RNF19B: variants seen among roughly 807,000 people sequenced by gnomAD.
The protein encoded by RNF19B is E3 ubiquitin-protein ligase RNF19B.
Under a neutral mutation model 65.5 loss-of-function variants are expected in RNF19B, and 23 were observed. The observed-to-expected ratio is 0.35, with a 90% CI of 0.25 to 0.50. RNF19B has a LOEUF of 0.50. Ranked by LOEUF, RNF19B falls within the 20% of genes least tolerant of loss-of-function variation. RNF19B has a pLI of 0.98. For missense variants in RNF19B, 794 were observed against 980.0 expected (o/e 0.81, Z 2.53); for synonymous variants, 372 against 379.6 (o/e 0.98, Z 0.23).
In RNF19B at chr1:32,936,733, G is replaced by GAA. The variant is rs36040674; in HGVS notation, c.*71_*72dup. Reference sequence around the variant, plus strand: ...AAAATACATAAATCTCTACCCCTTGGAAAAAAAAAAAAAAAAATTCCAAAA... The same window carrying GAA: ...AAAATACATAAATCTCTACCCCTTGGAAAAAAAAAAAAAAAAAAATTCCAAAA... On this transcript the variant is annotated 3_prime_UTR_variant, in exon 9 of 9. Coordinates refer to ENST00000235150, the MANE Select transcript of RNF19B (RefSeq NM_001300826.2). 8.6e-3 allele frequency: 9,824 copies of GAA among 1,148,806 alleles called. 3 individuals are homozygous for GAA. The highest frequency in any genetic ancestry group is 0.022 in the African/African-American group (1,361 of 60,524). The allele number at this position is 1,148,806 out of a possible 1,614,324, so 71.2% of individuals were successfully genotyped here.
intron 3 of RNF19B, 133 bp from the exon 4 acceptor site, chr1:32,946,697 C>T (rs1332576404): frequency 1.3e-6 from 1 of 776,194 alleles, no homozygotes; most frequent in South Asian, 2.0e-5. Context: ...GAATACATTA[C>T]ACAAGGGAGA....
chr1:32,949,920 A>C (rs189807828), intron 1 of RNF19B, 146 bp from the exon 2 acceptor site: 669 of 627,816 alleles, frequency 1.1e-3, no homozygotes, highest in Non-Finnish European at 1.6e-3. Flanking sequence ...ACATATACAC[A>C]CACAAGCACA....
In RNF19B at chr1:32,942,409, T is replaced by C; in HGVS notation, c.1453A>G (p.Ile485Val). ...LKNPSIGESSIEGLTSVLSTS... is the reference protein window; with the variant it reads ...LKNPSIGESSVEGLTSVLSTS... Reference sequence around the variant, plus strand: ...CTCAATACACTAGTCAGGCCTTCAATGCTGCTTTCCCCAATGCTGGGATTC... The same window carrying C: ...CTCAATACACTAGTCAGGCCTTCAACGCTGCTTTCCCCAATGCTGGGATTC... Residue 485 changes from isoleucine to valine, a missense_variant, in exon 7 of 9, where the codon ATT (isoleucine) becomes GTT (valine). This residue lies in a region of RNF19B where 368 missense variants were observed against 447.3 expected (regional missense o/e 0.82). Transcript: ENST00000235150. 6.2e-7 allele frequency: 1 copy of C among 1,614,234 alleles called. No individual in the cohort carries two copies. Among genetic ancestry groups the C allele is most frequent in the East Asian group, 2.2e-5 (1 of 44,884 alleles).
At chr1:32,958,165 T>C (rs979754842) in intron 1 of RNF19B, among the ~76,000 whole-genome samples, 1 of 152,186 alleles carries the variant, frequency 6.6e-6, no homozygotes, top group Admixed American at 6.5e-5. Flanking sequence ...AGTTAAGCCT[T>C]AAAGATGCTA....
chr1:32,949,587 C>T lies in RNF19B; in HGVS notation c.823G>A (p.Gly275Arg). The T allele has an allele frequency of 6.2e-7, 1 of 1,613,994 alleles. No homozygotes were observed. The highest frequency in any genetic ancestry group is 8.5e-7 in the Non-Finnish European group (1 of 1,180,010). ...RTKHTSGLSYGQESGPDDIKP... is the reference protein window; with the variant it reads ...RTKHTSGLSYRQESGPDDIKP... ...CTTATACCTGGTCCAGATTCTTGCC[C>T]ATAACTGAGACCTGAAGTGTGTTTG... The change falls in exon 2 of 9, where the codon GGG becomes AGG. Residue 275 changes from glycine to arginine, a missense_variant. By Grantham distance (125) the Gly-to-Arg change is moderately radical (BLOSUM62 -2). Around this residue, in one of 3 missense-constraint regions of RNF19B, gnomAD observed 374 missense variants for 423.8 expected, o/e 0.88. Transcript: ENST00000235150.
intron 3 of RNF19B, among the ~76,000 whole-genome samples, 180 bp from the exon 4 acceptor site, chr1:32,946,744 C>CT (rs1195150328): frequency 6.6e-6 from 1 of 152,234 alleles, no homozygotes; most frequent in African/African-American, 2.4e-5. Flanking sequence ...GCTCTGGGCT[C>CT]TTTAACTTTT....
intron 5 of RNF19B, among the ~76,000 whole-genome samples, chr1:32,944,712 G>A (rs559014345): frequency 4.7e-5 from 7 of 150,000 alleles, no homozygotes; most frequent in East Asian, 2.0e-4. Context: ...TTTTTGAGAC[G>A]GAGTCTCACT....
At chr1:32,950,812 C>T (rs886641829) in intron 1 of RNF19B, among the ~76,000 whole-genome samples, 1 of 151,552 alleles carries the variant, frequency 6.6e-6, no homozygotes. Flanking sequence ...GCTGGAATTA[C>T]AGGCATGAGC....
intron 1 of RNF19B, among the ~76,000 whole-genome samples, chr1:32,961,166 G>C (rs2124191220): frequency 6.6e-6 from 1 of 152,268 alleles, no homozygotes; most frequent in South Asian, 2.1e-4. Context: ...AACCTCTCAA[G>C]TCAGGAAAGA....
chr1:32,931,131 T>G, the RNF19B span, among the ~76,000 whole-genome samples: 2 of 152,012 alleles, frequency 1.3e-5, no homozygotes, highest in Non-Finnish European at 2.9e-5. Flanking sequence ...ATATGCTGAG[T>G]CCAGAACCTC....
In RNF19B at chr1:32,964,702, G is replaced by C; in HGVS notation, c.-17C>G. 7.0e-7 allele frequency: 1 copy of C among 1,430,804 alleles called. No homozygotes were observed. Among genetic ancestry groups the C allele is most frequent in the Non-Finnish European group, 9.1e-7 (1 of 1,097,530 alleles). The allele number at this position is 1,430,804 out of a possible 1,614,324, so 88.6% of individuals were successfully genotyped here. ...GGAGCCCATGGCCGGCAGAGGCCGAGGAGCCAGGGGCGCCCAGCGCCGCCA... is the reference window on the plus strand; with the variant it reads ...GGAGCCCATGGCCGGCAGAGGCCGACGAGCCAGGGGCGCCCAGCGCCGCCA... On this transcript the variant is annotated 5_prime_UTR_variant, in exon 1 of 9. Coordinates refer to ENST00000235150, the MANE Select transcript of RNF19B (RefSeq NM_001300826.2). The surrounding 1 kb of genome is among the most constrained non-coding windows in gnomAD (Gnocchi z 6.5).
rs1160401864 is a variant in RNF19B at position 32,949,571 on chromosome 1, G to C, written c.839C>G (p.Pro280Arg). 1 of 1,613,636 alleles carries C rather than the reference G, an allele frequency of 6.2e-7. No homozygotes were observed. The highest frequency in any genetic ancestry group is 1.1e-5 in the South Asian group (1 of 91,060). Reference sequence around the variant, plus strand: ...AATGAGATAATGCCAACTTATACCTGGTCCAGATTCTTGCCCATAACTGAG... The same window carrying C: ...AATGAGATAATGCCAACTTATACCTCGTCCAGATTCTTGCCCATAACTGAG... ...SGLSYGQESGPDDIKPCPRCS... is the reference protein window; with the variant it reads ...SGLSYGQESGRDDIKPCPRCS... The change falls in exon 2 of 9, where the codon CCA (proline) becomes CGA (arginine). Residue 280 changes from proline (P) to arginine (R), a missense_variant and splice_region_variant. By Grantham distance (103) the Pro-to-Arg change is moderately radical (BLOSUM62 -2). Coordinates refer to ENST00000235150, the MANE Select transcript of RNF19B (RefSeq NM_001300826.2).
intron 1 of RNF19B, among the ~76,000 whole-genome samples, chr1:32,950,908 C>T (rs191579938): frequency 1.1e-4 from 17 of 147,906 alleles, no homozygotes; most frequent in African/African-American, 3.5e-4. Flanking sequence ...TGGCGCGACT[C>T]GGCTCACTGC....
intron 7 of RNF19B, among the ~76,000 whole-genome samples, chr1:32,939,101 TAAC>T (rs1642174155): frequency 6.6e-6 from 1 of 152,206 alleles, no homozygotes; most frequent in Non-Finnish European, 1.5e-5. Flanking sequence ...ACTCAGTCCT[TAAC>T]AACAAAGGAA....
chr1:32,932,670 C>T (rs545205658), downstream of RNF19B, among the ~76,000 whole-genome samples: 10 of 152,228 alleles, frequency 6.6e-5, no homozygotes, highest in Admixed American at 3.9e-4. Flanking sequence ...GAAAGCTGGC[C>T]GCAAGCACTG....
intron 1 of RNF19B, among the ~76,000 whole-genome samples, chr1:32,954,057 C>T (rs994853667): frequency 3.4e-4 from 51 of 151,076 alleles, no homozygotes; most frequent in African/African-American, 1.2e-3. Context: ...TACAGGCGCC[C>T]GCCACCATGC....
At chr1:32,957,393 A>AT (rs1642664535) in intron 1 of RNF19B, among the ~76,000 whole-genome samples, 1 of 152,220 alleles carries the variant, frequency 6.6e-6, no homozygotes, top group Non-Finnish European at 1.5e-5. Context: ...AGTATTTATC[A>AT]TATGACATTT....
At chr1:32,960,402 G>A (rs1642741603) in intron 1 of RNF19B, among the ~76,000 whole-genome samples, 1 of 152,134 alleles carries the variant, frequency 6.6e-6, no homozygotes, top group Non-Finnish European at 1.5e-5. Context: ...AGGTAACTGG[G>A]ACTTGGACTT....
chr1:32,964,244 G>A lies in RNF19B; in HGVS notation c.442C>T (p.His148Tyr), dbSNP rs1412189530. Reference sequence around the variant, plus strand: ...TCGCTTATCTCCAGGCGCAGGTAGTGGCGGAGGCAGTCCCGGCACGAGCGG... The same window carrying A: ...TCGCTTATCTCCAGGCGCAGGTAGTAGCGGAGGCAGTCCCGGCACGAGCGG... ...PHRSCRDCLR[H>Y]YLRLEISESR... The change falls in exon 1 of 9, where the codon CAC (histidine) becomes TAC (tyrosine). Residue 148 changes from histidine to tyrosine, a missense_variant. Physicochemically the swap from His to Tyr is moderately conservative, Grantham distance 83 (BLOSUM62 2). Around this residue, in one of 3 missense-constraint regions of RNF19B, gnomAD observed 374 missense variants for 423.8 expected, o/e 0.88. Coordinates refer to ENST00000235150, the MANE Select transcript of RNF19B (RefSeq NM_001300826.2). The surrounding 1 kb of genome is among the most constrained non-coding windows in gnomAD (Gnocchi z 6.5). 1 of 1,545,118 alleles carries A rather than the reference G, an allele frequency of 6.5e-7. No individual in the cohort carries two copies. Among genetic ancestry groups the A allele is most frequent in the Non-Finnish European group, 8.7e-7 (1 of 1,145,280 alleles).
Sources: gnomAD v4.1 joint callset for allele counts (sites outside exome capture counted in the v4.1 genomes callset) on GRCh38, gnomAD v4.1.1 for gene constraint, gnomAD v4.1.1 regional missense constraint, Gnocchi (gnomAD v3.1) non-coding constraint, MANE v1.5 for transcripts, NCBI Gene and HGNC (gene_info 2026-07-23, HGNC 2026-07-21) for gene names.